Variants in SLC30A7 observed in about 807,000 individuals in gnomAD.
SLC30A7 encodes solute carrier family 30 member 7.
In SLC30A7, 35 loss-of-function variants were observed where a neutral mutation model predicts 46.0. The ratio of observed to expected loss-of-function variants is 0.76; its 90% CI spans 0.58 to 1.01. The LOEUF is 1.01. SLC30A7 is among the 50% of genes least tolerant of loss of function. The pLI is 0.00. For missense variants in SLC30A7, 464 were observed against 451.1 expected, an observed-to-expected ratio of 1.03 and a Z score of -0.26; for synonymous variants, 147 against 157.8, an observed-to-expected ratio of 0.93 and a Z score of 0.51.
intron 7 of SLC30A7, 132 bp downstream of exon 7, chr1:100,918,259 G>A (rs992273453): frequency 1.5e-6 from 1 of 666,108 alleles, no homozygotes; most frequent in Admixed American, 2.8e-5. Context: ...AGCCTTTCTA[G>A]TGATTGTTTT....
At chr1:100,992,447 A>ATT in the SLC30A7 span, among the ~76,000 whole-genome samples, 2 of 151,646 alleles carry the variant, frequency 1.3e-5, no homozygotes, top group Non-Finnish European at 2.9e-5. Flanking sequence ...AAGAATGCCA[A>ATT]TTTTTTTTTC....
chr1:100,912,725 C>A (rs893078736), intron 5 of SLC30A7, among the ~76,000 whole-genome samples: 10 of 149,080 alleles, frequency 6.7e-5, no homozygotes, highest in Admixed American at 2.0e-4. Flanking sequence ...AAAAAAAAAA[C>A]AAAAAAAACA....
At chr1:100,971,816 A>G (rs1442846545) in intron 10 of SLC30A7, among the ~76,000 whole-genome samples, 1 of 152,164 alleles carries the variant, frequency 6.6e-6, no homozygotes. Context: ...ATAAGGATGA[A>G]TATATGTACA....
intron 8 of SLC30A7, among the ~76,000 whole-genome samples, chr1:100,924,157 A>G (rs932045699): frequency 4.6e-5 from 7 of 152,218 alleles, no homozygotes; most frequent in Non-Finnish European, 7.3e-5. Flanking sequence ...TACATATAAA[A>G]GTATTTAAAT....
chr1:100,974,314 A>G (rs1656333148), intron 10 of SLC30A7, among the ~76,000 whole-genome samples: 1 of 152,206 alleles, frequency 6.6e-6, no homozygotes, highest in African/African-American at 2.4e-5. Context: ...GTAAATTGAT[A>G]ATACAGAAGA....
downstream of SLC30A7, among the ~76,000 whole-genome samples, chr1:100,985,878 A>C (rs1657237361): frequency 6.6e-6 from 1 of 152,252 alleles, no homozygotes; most frequent in African/African-American, 2.4e-5. Context: ...TAAGGGAATG[A>C]AAGGACAAGC....
chr1:100,910,158 T>C (rs1651991403), intron 3 of SLC30A7, among the ~76,000 whole-genome samples: 1 of 152,110 alleles, frequency 6.6e-6, no homozygotes, highest in Non-Finnish European at 1.5e-5. Flanking sequence ...AAAATCGTTA[T>C]TACCTAGAAG....
At position 100,952,631 on chromosome 1, in the gene SLC30A7, A is replaced by G. The variant is rs139601414; in HGVS notation, c.843-9197A>G. Among the ~76,000 whole-genome samples, 163 of 152,360 alleles carry G rather than the reference A, an allele frequency of 1.1e-3. 1 individual carries two copies. The highest frequency in any genetic ancestry group is 3.4e-3 in the African/African-American group (141 of 41,590). ...AAAAACAAAGAGATATAGTTCATCTATATCTTCCCTAGTTACTTTGGAATG... is the reference window on the plus strand; with the variant it reads ...AAAAACAAAGAGATATAGTTCATCTGTATCTTCCCTAGTTACTTTGGAATG... On this transcript the variant is annotated intron_variant, in intron 8 of 10. Coordinates refer to ENST00000357650, the MANE Select transcript of SLC30A7 (RefSeq NM_133496.5).
intron 8 of SLC30A7, among the ~76,000 whole-genome samples, chr1:100,948,654 A>C (rs865952880): frequency 6.6e-6 from 1 of 152,084 alleles, no homozygotes; most frequent in Non-Finnish European, 1.5e-5. Flanking sequence ...ACTTTGTTCC[A>C]TTCTTCCTGT....
chr1:100,929,468 T>C lies in SLC30A7; in HGVS notation c.842+7627T>C, dbSNP rs148041196. Among the ~76,000 whole-genome samples, 840 of 152,228 alleles carry C rather than the reference T, an allele frequency of 5.5e-3. 2 individuals are homozygous for C. The highest frequency in any genetic ancestry group is 0.02 in the African/African-American group (817 of 41,554). ...TAAAAATTTGCCTGATTTTAGGAAA[T>C]AGTGAAAACTCTTAAAAAATCAACT... On this transcript the variant is annotated intron_variant, in intron 8 of 10. Coordinates refer to ENST00000357650, the MANE Select transcript of SLC30A7 (RefSeq NM_133496.5).
the SLC30A7 span, among the ~76,000 whole-genome samples, chr1:100,994,630 G>A: frequency 4.8e-4 from 73 of 151,592 alleles, 2 homozygotes; most frequent in South Asian, 0.015. Context: ...AGATTCAAGC[G>A]ATTCTCGTGC....
At chr1:100,950,767 C>T (rs1293525697) in intron 8 of SLC30A7, among the ~76,000 whole-genome samples, 1 of 152,180 alleles carries the variant, frequency 6.6e-6, no homozygotes, top group East Asian at 1.9e-4. Context: ...TAAAAGCACT[C>T]ACTATGTTGA....
Position 100,975,694 on chromosome 1 carries a change from A to T in SLC30A7, c.*837A>T, listed in dbSNP as rs1656430889. On this transcript the variant is annotated 3_prime_UTR_variant, in exon 11 of 11. Coordinates refer to ENST00000357650, the MANE Select transcript of SLC30A7 (RefSeq NM_133496.5). The stretch of plus-strand genomic sequence containing the variant: ...GGGCGTGTGCCACCATGCCCAGCTA[A>T]TTTTTGCATTTTTAGTAGAGATGGG... The T allele has an allele frequency of 6.6e-6, 1 of 151,978 alleles. No homozygotes were observed. The highest frequency in any genetic ancestry group is 2.4e-5 in the African/African-American group (1 of 41,308). The allele number at this position is 151,978 out of a possible 1,614,324, so 9.4% of individuals were successfully genotyped here. A position where few individuals can be genotyped will look rare whatever the true frequency, so the allele number is the denominator to read the frequency against.
chr1:100,973,929 T>G (rs531665472), intron 10 of SLC30A7, among the ~76,000 whole-genome samples: 1 of 152,116 alleles, frequency 6.6e-6, no homozygotes, highest in South Asian at 2.1e-4. Context: ...TTGGGGGAAG[T>G]GTTGGGAAGC....
chr1:100,943,821 T>C (rs1295110082), intron 8 of SLC30A7, among the ~76,000 whole-genome samples: 3 of 152,222 alleles, frequency 2.0e-5, no homozygotes, highest in African/African-American at 7.2e-5. Context: ...AAGAATATTA[T>C]TAAGAAAACA....
At chr1:100,910,154 G>A (rs1366552522) in intron 3 of SLC30A7, among the ~76,000 whole-genome samples, 5 of 151,958 alleles carry the variant, frequency 3.3e-5, no homozygotes, top group Middle Eastern at 3.2e-3. Context: ...AGTAAAAATC[G>A]TTATTACCTA....
chr1:100,980,758 G>T lies in SLC30A7; in HGVS notation c.*5901G>T, dbSNP rs529328085. Reference sequence around the variant, plus strand: ...TATCCATTTTACAAATTGTTGGATCGGAATTTGACAGAATTGGGACTGTGG... The same window carrying T: ...TATCCATTTTACAAATTGTTGGATCTGAATTTGACAGAATTGGGACTGTGG... On this transcript the variant is annotated 3_prime_UTR_variant, in exon 11 of 11. Coordinates refer to ENST00000357650, the MANE Select transcript of SLC30A7 (RefSeq NM_133496.5). 6.6e-6 allele frequency: 1 copy of T among 151,654 alleles called. No homozygotes were observed. The highest frequency in any genetic ancestry group is 1.5e-5 in the Non-Finnish European group (1 of 67,846). 9.4% of individuals were successfully genotyped at this position (151,654 alleles called of 1,614,324 possible).
chr1:100,994,453 T>C, the SLC30A7 span, among the ~76,000 whole-genome samples: 1 of 152,066 alleles, frequency 6.6e-6, no homozygotes, highest in South Asian at 2.1e-4. Flanking sequence ...ACTATCATTA[T>C]ACATCTGAAG....
At chr1:100,988,966 G>A in the SLC30A7 span, among the ~76,000 whole-genome samples, 1,193 of 152,118 alleles carry the variant, frequency 7.8e-3, 12 homozygotes, top group African/African-American at 0.027. Context: ...TTAGCTAATT[G>A]ATGATCCCAG....
Sources: allele counts gnomAD v4.1 joint callset (sites outside exome capture counted in the v4.1 genomes callset), GRCh38; gene constraint gnomAD v4.1.1; transcripts MANE v1.5; gene names NCBI Gene and HGNC (gene_info 2026-07-23, HGNC 2026-07-21).